PLCB1: variants seen among roughly 807,000 people sequenced by gnomAD.
PLCB1 encodes phospholipase C beta 1, also known as 1-phosphatidylinositol 4,5-bisphosphate phosphodiesterase beta-1.
PLCB1 carries 46 observed loss-of-function variants against 161.8 expected under a neutral mutation model. The ratio of observed to expected loss-of-function variants is 0.28; its 90% CI spans 0.22 to 0.36. The LOEUF is 0.36. Ranked by LOEUF, PLCB1 falls within the 10% of genes least tolerant of loss-of-function variation. PLCB1 has a pLI of 1.00. For synonymous variants in PLCB1, 517 were observed against 503.7 expected (o/e 1.03, Z -0.35); for missense variants, 1,016 against 1,472.5 (o/e 0.69, Z 5.07).
chr20:8,147,114 T>TG (rs2051461156), intron 1 of PLCB1, among the ~76,000 whole-genome samples: 1 of 152,134 alleles, frequency 6.6e-6, no homozygotes, highest in Non-Finnish European at 1.5e-5. Flanking sequence ...CCTACATCCG[T>TG]GGTTTTGTAA....
At chr20:8,383,796 A>G (rs1048888606) in intron 3 of PLCB1, among the ~76,000 whole-genome samples, 1 of 152,166 alleles carries the variant, frequency 6.6e-6, no homozygotes, top group African/African-American at 2.4e-5. Flanking sequence ...GTTTGGCTGG[A>G]TATGAAATTC....
intron 3 of PLCB1, among the ~76,000 whole-genome samples, chr20:8,559,900 T>C (rs1370350766): frequency 6.6e-6 from 1 of 152,008 alleles, no homozygotes; most frequent in African/African-American, 2.4e-5. Context: ...TCCTCTTTTT[T>C]TATAACATAG....
At chr20:8,680,180 G>GA (rs1198798918) in intron 9 of PLCB1, among the ~76,000 whole-genome samples, 11 of 151,274 alleles carry the variant, frequency 7.3e-5, no homozygotes, top group Admixed American at 2.6e-4. Flanking sequence ...GAGTGGATCA[G>GA]AAAAAAAAAT....
At chr20:8,425,862 C>A (rs772563373) in intron 3 of PLCB1, among the ~76,000 whole-genome samples, 2 of 150,454 alleles carry the variant, frequency 1.3e-5, no homozygotes, top group Non-Finnish European at 2.9e-5. Context: ...TCACTACATC[C>A]AATTTCAGAA....
chr20:8,755,323 G>A (rs534902943), intron 23 of PLCB1, among the ~76,000 whole-genome samples: 1 of 151,678 alleles, frequency 6.6e-6, no homozygotes, highest in East Asian at 1.9e-4. Context: ...TTTTTCATCT[G>A]TAATCACATG....
chr20:8,346,000 A>G (rs1985989756), intron 2 of PLCB1, among the ~76,000 whole-genome samples: 1 of 152,208 alleles, frequency 6.6e-6, no homozygotes, highest in Non-Finnish European at 1.5e-5. Flanking sequence ...CACATAAAGT[A>G]AAGAGGCCAA....
At chr20:8,133,246 C>T (rs2051311388) in intron 1 of PLCB1, among the ~76,000 whole-genome samples, 2 of 152,122 alleles carry the variant, frequency 1.3e-5, no homozygotes, top group South Asian at 2.1e-4. Context: ...GGAGCCAAGG[C>T]GGCGGAGGAC....
chr20:8,472,661 C>T (rs189155560), intron 3 of PLCB1, among the ~76,000 whole-genome samples: 1 of 151,182 alleles, frequency 6.6e-6, no homozygotes, highest in East Asian at 1.9e-4. Context: ...CTGGGCAACA[C>T]TGCAAAACTT....
intron 31 of PLCB1, among the ~76,000 whole-genome samples, chr20:8,849,338 T>A (rs1361143677): frequency 1.3e-5 from 2 of 152,158 alleles, no homozygotes; most frequent in East Asian, 3.9e-4. Context: ...AGATGCAGAC[T>A]GGCCACTGGC....
chr20:8,848,003 C>T (rs1326605948), intron 31 of PLCB1, among the ~76,000 whole-genome samples: 1 of 152,146 alleles, frequency 6.6e-6, no homozygotes, highest in Admixed American at 6.5e-5. Context: ...AGGGGAGGAA[C>T]GCCATGTCCT....
chr20:8,206,119 G>T (rs1978515338), intron 2 of PLCB1, among the ~76,000 whole-genome samples: 1 of 152,146 alleles, frequency 6.6e-6, no homozygotes, highest in Non-Finnish European at 1.5e-5. Context: ...TGCAAATCCA[G>T]TTTTGACCTT....
intron 2 of PLCB1, among the ~76,000 whole-genome samples, chr20:8,329,060 T>C (rs1300848041): frequency 6.6e-6 from 1 of 152,160 alleles, no homozygotes; most frequent in African/African-American, 2.4e-5. Context: ...ACTCAATTGG[T>C]TAGTTTGAGG....
Position 8,662,092 on chromosome 20 carries a change from ATAAT to A in PLCB1, c.862+3391_862+3394del, listed in dbSNP as rs368933227. On this transcript the variant is annotated intron_variant, in intron 9 of 31. Transcript: ENST00000338037. ...TATTTATTATACAGTTATATAATAA[ATAAT>A]TATATAATTATATATAATTATATAT... is the stretch of plus-strand genomic sequence containing the variant. Among the ~76,000 whole-genome samples, 8 of 14,616 alleles carry A rather than the reference ATAAT, an allele frequency of 5.5e-4. 1 individual carries two copies. The highest frequency in any genetic ancestry group is 7.2e-4 in the Non-Finnish European group (5 of 6,912). The allele number at this position is 14,616 out of a possible 152,430, so 9.6% of individuals were successfully genotyped here. A position where few individuals can be genotyped will look rare whatever the true frequency, so the allele number is the denominator to read the frequency against.
intron 2 of PLCB1, among the ~76,000 whole-genome samples, chr20:8,154,315 TAAAC>T (rs1452000349): frequency 6.6e-6 from 1 of 152,198 alleles, no homozygotes; most frequent in Non-Finnish European, 1.5e-5. Context: ...TATCGTATGT[TAAAC>T]AATTGATTAC....
Position 8,343,428 on chromosome 20 carries a change from G to A in PLCB1, c.178-27954G>A, listed in dbSNP as rs371028059. Among the ~76,000 whole-genome samples, 6 of 152,264 alleles carry A rather than the reference G, an allele frequency of 3.9e-5. No individual in the cohort carries two copies. In the East Asian group the frequency reaches 9.6e-4, roughly 24 times the overall value. On this transcript the variant is annotated intron_variant, in intron 2 of 31. Transcript: ENST00000338037. ...ATTTGTATCTTTAACAAGTTATCAG[G>A]TGATGCTGCTGCTGATGGTCTGGGA...
At chr20:8,508,688 T>C (rs1983747582) in intron 3 of PLCB1, among the ~76,000 whole-genome samples, 1 of 152,218 alleles carries the variant, frequency 6.6e-6, no homozygotes, top group South Asian at 2.1e-4. Flanking sequence ...GAGTTCACTA[T>C]AAGTAGGAGT....
chr20:8,233,118 G>A (rs1217311441), intron 2 of PLCB1, among the ~76,000 whole-genome samples: 2 of 152,070 alleles, frequency 1.3e-5, no homozygotes, highest in Non-Finnish European at 2.9e-5. Context: ...AATCACCTGG[G>A]ATCCTACTTA....
At chr20:8,674,104 G>A (rs531491126) in intron 9 of PLCB1, among the ~76,000 whole-genome samples, 16 of 152,260 alleles carry the variant, frequency 1.1e-4, no homozygotes, top group Admixed American at 4.6e-4. Context: ...TTTCCTTCAA[G>A]GGAAACACAA....
At chr20:8,788,961 C>G (rs922065325) in intron 29 of PLCB1, among the ~76,000 whole-genome samples, 12 of 152,290 alleles carry the variant, frequency 7.9e-5, no homozygotes, top group Admixed American at 4.6e-4. Flanking sequence ...AAAGAGCTTC[C>G]CTCAGGGAAA....
Sources: allele counts gnomAD v4.1 joint callset (sites outside exome capture counted in the v4.1 genomes callset), GRCh38; gene constraint gnomAD v4.1.1; transcripts MANE v1.5; gene names NCBI Gene and HGNC (gene_info 2026-07-23, HGNC 2026-07-21).